UBE2D4: variants seen among roughly 807,000 people sequenced by gnomAD.
UBE2D4 encodes ubiquitin-conjugating enzyme E2 D4.
UBE2D4 carries 17 observed loss-of-function variants against 23.0 expected under a neutral mutation model. The observed-to-expected ratio is 0.74, with a 90% confidence interval of 0.51 to 1.11. The LOEUF (loss-of-function observed/expected upper bound fraction) is 1.11, where lower values mean the gene tolerates loss of function less well. Among genes scored for constraint, UBE2D4 ranks in the 50% least tolerant of loss-of-function variants. The pLI is 0.00. For synonymous variants in UBE2D4, 61 were observed against 69.4 expected (o/e 0.88, Z 0.60); for missense variants, 139 against 181.8 (o/e 0.76, Z 1.35).
At chr7:43,932,193 G>A (rs1319570109) in intron 1 of UBE2D4, among the ~76,000 whole-genome samples, 1 of 150,994 alleles carries the variant, frequency 6.6e-6, no homozygotes, top group East Asian at 2.0e-4. Flanking sequence ...GTTTCACCAT[G>A]TTAGCCAGGA....
At chr7:43,946,513 G>A (rs1339304077) in intron 4 of UBE2D4, among the ~76,000 whole-genome samples, 1 of 151,760 alleles carries the variant, frequency 6.6e-6, no homozygotes, top group East Asian at 1.9e-4. Context: ...GCACTTGTTT[G>A]TGCTTCCTTG....
chr7:43,932,175 G>C (rs967480925), intron 1 of UBE2D4, among the ~76,000 whole-genome samples: 5 of 151,566 alleles, frequency 3.3e-5, no homozygotes, highest in Non-Finnish European at 5.9e-5. Context: ...ATTTTTAGGA[G>C]AGACGGGGTT....
chr7:43,952,594 GAAGGGAAGTGACCATTTC>G, intron 6 of UBE2D4, 38 bp from the exon 7 acceptor site: 2 of 1,482,272 alleles, frequency 1.3e-6, no homozygotes, highest in Non-Finnish European at 1.9e-6. Flanking sequence ...GCAGCACATT[GAAGGGAAGTGACCATTTC>G]AAGTGAGGGT....
chr7:43,939,916 A>C (rs148855545), intron 2 of UBE2D4, among the ~76,000 whole-genome samples: 36 of 152,328 alleles, frequency 2.4e-4, no homozygotes, highest in African/African-American at 8.4e-4. Context: ...GGGGTGATGG[A>C]AAGCTTTAGA....
rs113062603 is a variant in UBE2D4, at chr7:43,948,001, T to G, written c.199-631T>G. ...TGCATAAATGTCTTCTTTTGAGAAG[T>G]GTCTGTTCATATCCTTTGCCCACTT... On this transcript the variant is annotated intron_variant, in intron 4 of 6. Transcript: ENST00000222402. 3.8e-3 allele frequency among the ~76,000 whole-genome samples: 572 copies of G among 152,370 alleles called. 4 individuals carry two copies. The highest frequency in any genetic ancestry group is 5.0e-3 in the Non-Finnish European group (343 of 68,036).
At position 43,950,681 on chromosome 7, in the gene UBE2D4, C is replaced by T. The variant is rs375042904; in HGVS notation, c.387C>T (p.Ala129=). The T allele has an allele frequency of 8.1e-6, 13 of 1,613,960 alleles. No individual in the cohort carries two copies. Among genetic ancestry groups the T allele is most frequent in the South Asian group, 3.3e-5 (3 of 91,086 alleles). The change falls in exon 6 of 7, where the codon GCC becomes GCT. Residue 129 remains alanine (A), a synonymous_variant. Transcript: ENST00000222402. The part of the protein sequence containing the change: ...LVPEIAHTYK[A]DREKYNRLAR... ...CAGAGATAGCACACACCTACAAGGC[C>T]GACAGAGAGAAGTACGTGTCCTCTT...
chr7:43,952,816 T>G lies in UBE2D4; in HGVS notation c.*121T>G, dbSNP rs112209777. ...GCATCATCTGTTCTTCAAACAAATG[T>G]TGGTCACCCACTCTCTCCAGCTGCA... is the stretch of plus-strand genomic sequence containing the variant. On this transcript the variant is annotated 3_prime_UTR_variant, in exon 7 of 7. Transcript: ENST00000222402. 7.4e-5 allele frequency: 62 copies of G among 834,426 alleles called. 1 individual carries two copies. The highest frequency in any genetic ancestry group is 6.5e-4 in the African/African-American group (39 of 59,786). The allele number at this position is 834,426 out of a possible 1,614,324, so 51.7% of individuals were successfully genotyped here. A position where few individuals can be genotyped will look rare whatever the true frequency, so the allele number is the denominator to read the frequency against.
chr7:43,933,332 T>C (rs1431469053), intron 1 of UBE2D4, among the ~76,000 whole-genome samples: 1 of 152,110 alleles, frequency 6.6e-6, no homozygotes, highest in African/African-American at 2.4e-5. Context: ...TGACATTTTC[T>C]CCTGTTATTC....
chr7:43,949,417 G>C (rs76319277), intron 5 of UBE2D4, among the ~76,000 whole-genome samples: 1 of 152,208 alleles, frequency 6.6e-6, no homozygotes, highest in Non-Finnish European at 1.5e-5. Flanking sequence ...AGAGGAGACA[G>C]GGTCTCACTT....
chr7:43,926,646 AG>A, intron 1 of UBE2D4, 90 bp downstream of exon 1: 1 of 1,368,970 alleles, frequency 7.3e-7, no homozygotes. Context: ...AAGGTGACGG[AG>A]GCTCCGCGAG....
At chr7:43,927,128 A>G (rs2132742795) in intron 1 of UBE2D4, among the ~76,000 whole-genome samples, 1 of 152,314 alleles carries the variant, frequency 6.6e-6, no homozygotes, top group South Asian at 2.1e-4. Context: ...TGGAAAACGC[A>G]CAACAGTAGA....
chr7:43,943,356 G>C, intron 4 of UBE2D4: 2 of 426,892 alleles, frequency 4.7e-6, no homozygotes, highest in Non-Finnish European at 4.2e-6. Context: ...GTTAGGACAG[G>C]GGTTCTCAGC....
In UBE2D4 at chr7:43,932,178, A is replaced by G. The variant is rs190376187; in HGVS notation, c.24+5622A>G. The stretch of plus-strand genomic sequence containing the variant: ...CTAATTTTTTGTATTTTTAGGAGAG[A>G]CGGGGTTTCACCATGTTAGCCAGGA... On this transcript the variant is annotated intron_variant, in intron 1 of 6. Coordinates refer to ENST00000222402, the MANE Select transcript of UBE2D4 (RefSeq NM_015983.4). Among the ~76,000 whole-genome samples, 152 of 151,578 alleles carry G rather than the reference A, an allele frequency of 1.0e-3. 2 individuals are homozygous for G. Among genetic ancestry groups the G allele is most frequent in the African/African-American group, 3.6e-3 (147 of 41,236 alleles).
Position 43,933,013 on chromosome 7 carries a change from T to TATATACAC in UBE2D4, c.25-5417_25-5416insTATACACA, listed in dbSNP as rs1340458201. On this transcript the variant is annotated intron_variant, in intron 1 of 6. Coordinates refer to ENST00000222402, the MANE Select transcript of UBE2D4 (RefSeq NM_015983.4). ...ATATATATATATATATATATATATA[T>TATATACAC]ACACACACATATATATACACATATG... Among the ~76,000 whole-genome samples the TATATACAC allele has an allele frequency of 2.8e-3, 332 of 116,636 alleles. 16 individuals carry two copies. The highest frequency in any genetic ancestry group is 6.6e-3 in the South Asian group (22 of 3,320). The allele number at this position is 116,636 out of a possible 152,430, so 76.5% of individuals were successfully genotyped here.
intron 1 of UBE2D4, among the ~76,000 whole-genome samples, chr7:43,935,388 A>T (rs1398274630): frequency 6.6e-6 from 1 of 152,182 alleles, no homozygotes; most frequent in Non-Finnish European, 1.5e-5. Context: ...TCTTATTATT[A>T]ATTCAACTTT....
At chr7:43,948,989 A>C in intron 5 of UBE2D4, 1 of 453,496 alleles carries the variant, frequency 2.2e-6, no homozygotes, top group African/African-American at 2.0e-5. Context: ...CATGGGTGCA[A>C]GAAGAAAATA....
At chr7:43,934,092 AT>A (rs1035921493) in intron 1 of UBE2D4, among the ~76,000 whole-genome samples, 2 of 152,216 alleles carry the variant, frequency 1.3e-5, no homozygotes, top group African/African-American at 4.8e-5. Context: ...GGGAGCAAAT[AT>A]TTGTTGTTGG....
At chr7:43,943,986 G>A (rs1310603655) in intron 4 of UBE2D4, 3 of 151,962 alleles carry the variant, frequency 2.0e-5, no homozygotes, top group Non-Finnish European at 4.4e-5. Context: ...CTCAGCAAGA[G>A]GGCGGACAGG....
intron 1 of UBE2D4, among the ~76,000 whole-genome samples, chr7:43,938,082 G>A (rs971259438): frequency 2.0e-5 from 3 of 152,092 alleles, no homozygotes; most frequent in Admixed American, 1.3e-4. Context: ...GCACCTGGGG[G>A]CCTGGGGATG....
Sources: gnomAD v4.1 joint callset for allele counts (sites outside exome capture counted in the v4.1 genomes callset) on GRCh38, gnomAD v4.1.1 for gene constraint, MANE v1.5 for transcripts, NCBI Gene and HGNC (gene_info 2026-07-23, HGNC 2026-07-21) for gene names.